The following MTNR1B variants were observed in gnomAD, a reference collection of about 807,000 sequenced individuals.
The protein encoded by MTNR1B is melatonin receptor type 1B.
MTNR1B carries 7 observed loss-of-function variants against 7.0 expected under a neutral mutation model. The ratio of observed to expected loss-of-function variants is 1.00; its 90% CI spans 0.57 to 1.88. MTNR1B has a LOEUF of 1.88. Ranked by LOEUF, MTNR1B falls within the 40% of genes most tolerant of loss-of-function variation. MTNR1B has a pLI of 0.00. For missense variants in MTNR1B, 478 were observed against 486.5 expected, an observed-to-expected ratio of 0.98 and a Z score of 0.16; for synonymous variants, 226 against 208.2, an observed-to-expected ratio of 1.09 and a Z score of -0.74.
chr11:92,980,301 T>G (rs1359526238), intron 1 of MTNR1B, among the ~76,000 whole-genome samples: 1 of 152,236 alleles, frequency 6.6e-6, no homozygotes, highest in Admixed American at 6.5e-5. Flanking sequence ...TCAGGGACCC[T>G]GCTGGAGGGA....
chr11:92,982,126 C>CCTGAA lies in MTNR1B; in HGVS notation c.903_904insCTGAA (p.Cys302LeufsTer4). 1 of 1,614,250 alleles carries CCTGAA rather than the reference C, an allele frequency of 6.2e-7. No homozygotes were observed. The highest frequency in any genetic ancestry group is 8.5e-7 in the Non-Finnish European group (1 of 1,180,054). On this transcript the variant is annotated frameshift_variant, in exon 2 of 2. Transcript: ENST00000257068. LOFTEE classifies it low-confidence loss of function (END_TRUNC). ...GCTACTTACTGGCTTATTTCAACAG[C>CCTGAA]TGCCTGAATGCCATTGTCTATGGGC...
Position 92,981,346 on chromosome 11 carries a change from T to G in MTNR1B, c.224-101T>G. 4 of 1,489,996 alleles carry G rather than the reference T, an allele frequency of 2.7e-6. No homozygotes were observed. In the South Asian group the frequency reaches 5.3e-5, roughly 20 times the overall value. The allele number at this position is 1,489,996 out of a possible 1,614,324, so 92.3% of individuals were successfully genotyped here. ...CTGTGCCTCTAAGAGCCACTTGGTT[T>G]CCACTCACATTGCCAAAAGTAACTT... On this transcript the variant is annotated intron_variant, in intron 1 of 1. Coordinates refer to ENST00000257068, the MANE Select transcript of MTNR1B (RefSeq NM_005959.5).
downstream of MTNR1B, among the ~76,000 whole-genome samples, chr11:92,983,801 G>A (rs1436104486): frequency 6.6e-6 from 1 of 152,180 alleles, no homozygotes; most frequent in Admixed American, 6.5e-5. Context: ...TTAGTATCAA[G>A]TAATATCCAT....
chr11:92,981,153 C>T (rs894868484), intron 1 of MTNR1B, among the ~76,000 whole-genome samples: 1 of 152,178 alleles, frequency 6.6e-6, no homozygotes, highest in African/African-American at 2.4e-5. Context: ...GTGTCAGCAC[C>T]TGTTAAATCC....
chr11:92,981,013 G>A (rs1192246159), intron 1 of MTNR1B, among the ~76,000 whole-genome samples: 1 of 152,222 alleles, frequency 6.6e-6, no homozygotes, highest in Non-Finnish European at 1.5e-5. Flanking sequence ...GAGGGAATGT[G>A]AGGGAGCGAT....
chr11:92,976,501 T>C (rs1858010853), intron 1 of MTNR1B, among the ~76,000 whole-genome samples: 1 of 138,674 alleles, frequency 7.2e-6, no homozygotes, highest in South Asian at 2.6e-4. Flanking sequence ...CAAGTCTCTT[T>C]CCTTTAAGAG....
At position 92,982,254 on chromosome 11, in the gene MTNR1B, G is replaced by T; in HGVS notation, c.1031G>T (p.Gly344Val). 6.2e-7 allele frequency: 1 copy of T among 1,614,164 alleles called. No individual in the cohort carries two copies. Among genetic ancestry groups the T allele is most frequent in the Non-Finnish European group, 8.5e-7 (1 of 1,180,028 alleles). Reference protein sequence around the residue: ...QDASKGSHAEGLQSPAPPIIG... With the variant: ...QDASKGSHAEVLQSPAPPIIG... ...GCTTCCAAGGGCAGCCACGCGGAGG[G>T]GCTGCAGAGCCCAGCTCCACCCATC... The change falls in exon 2 of 2, where the codon GGG (glycine) becomes GTG (valine). Residue 344 changes from glycine to valine, a missense_variant. Physicochemically the swap from Gly to Val is moderately radical, Grantham distance 109. Coordinates refer to ENST00000257068, the MANE Select transcript of MTNR1B (RefSeq NM_005959.5).
In MTNR1B at chr11:92,981,698, C is replaced by T. The variant is rs756320084; in HGVS notation, c.475C>T (p.Leu159=). 6.2e-7 allele frequency: 1 copy of T among 1,614,268 alleles called. No individual in the cohort carries two copies. Among genetic ancestry groups the T allele is most frequent in the South Asian group, 1.1e-5 (1 of 91,086 alleles). The change falls in exon 2 of 2, where the codon CTG becomes TTG. Residue 159 remains leucine (L), a synonymous_variant. Coordinates refer to ENST00000257068, the MANE Select transcript of MTNR1B (RefSeq NM_005959.5). ...AATCTACCGGCGCTGGCACACCCCT[C>T]TGCACATCTGCCTCATCTGGCTCCT... ...HRIYRRWHTP[L]HICLIWLLTV... is the part of the protein sequence containing the mutation.
chr11:92,975,306 G>C (rs563736653), intron 1 of MTNR1B, among the ~76,000 whole-genome samples: 34 of 152,304 alleles, frequency 2.2e-4, no homozygotes, highest in African/African-American at 7.0e-4. Context: ...TTTTTGTGCT[G>C]CAAATGGGTT....
chr11:92,975,817 A>G lies in MTNR1B; in HGVS notation c.224-5630A>G, dbSNP rs146471382. On this transcript the variant is annotated intron_variant, in intron 1 of 1. Coordinates refer to ENST00000257068, the MANE Select transcript of MTNR1B (RefSeq NM_005959.5). Reference sequence around the variant, plus strand: ...GAATGAAGTGGAGCCCACTCCATCAAGGCTTCTATCCTACCACCGACCACT... The same window carrying G: ...GAATGAAGTGGAGCCCACTCCATCAGGGCTTCTATCCTACCACCGACCACT... Among the ~76,000 whole-genome samples, 1,120 of 152,238 alleles carry G rather than the reference A, an allele frequency of 7.4e-3. 20 individuals are homozygous for G. Among genetic ancestry groups the G allele is most frequent in the African/African-American group, 0.024 (1,009 of 41,534 alleles).
chr11:92,982,560 C>T lies in MTNR1B; in HGVS notation c.*248C>T. The T allele has an allele frequency of 1.9e-6, 1 of 532,242 alleles. No individual in the cohort carries two copies. Among genetic ancestry groups the T allele is most frequent in the Non-Finnish European group, 3.3e-6 (1 of 300,892 alleles). 33.0% of individuals were successfully genotyped at this position (532,242 alleles called of 1,614,324 possible). ...GGTGGTGTCTTGGGGATTTGGTGCA[C>T]ACAAGACCAAGGAAAGGACAGAATG... On this transcript the variant is annotated 3_prime_UTR_variant, in exon 2 of 2. Coordinates refer to ENST00000257068, the MANE Select transcript of MTNR1B (RefSeq NM_005959.5).
In MTNR1B at chr11:92,981,844, C is replaced by A. The variant is rs1858111598; in HGVS notation, c.621C>A (p.Ile207=). 1.2e-6 allele frequency: 2 copies of A among 1,614,094 alleles called. No homozygotes were observed. Among genetic ancestry groups the A allele is most frequent in the East Asian group, 2.2e-5 (1 of 44,896 alleles). ...STQYTAAVVV[I]HFLLPIAVVS... ...AGTACACGGCGGCAGTGGTGGTCAT[C>A]CACTTCCTCCTCCCTATCGCTGTCG... The change falls in exon 2 of 2, where the codon ATC becomes ATA. Residue 207 remains isoleucine (I), a synonymous_variant. Coordinates refer to ENST00000257068, the MANE Select transcript of MTNR1B (RefSeq NM_005959.5).
chr11:92,974,310 A>G (rs1454556228), intron 1 of MTNR1B, among the ~76,000 whole-genome samples: 3 of 152,178 alleles, frequency 2.0e-5, no homozygotes. Flanking sequence ...TCCCCTGCAC[A>G]AGCTCTCTCT....
chr11:92,971,911 C>A (rs1430651582), intron 1 of MTNR1B, among the ~76,000 whole-genome samples: 1 of 152,142 alleles, frequency 6.6e-6, no homozygotes, highest in Non-Finnish European at 1.5e-5. Context: ...GTGTCCGCTA[C>A]AGCCCAGCAC....
downstream of MTNR1B, among the ~76,000 whole-genome samples, chr11:92,982,947 C>A (rs12285500): frequency 0.13 from 8,595 of 66,848 alleles, 1,272 homozygotes; most frequent in African/African-American, 0.3. Context: ...CCCCCCCCCC[C>A]CACACACACA....
At position 92,981,887 on chromosome 11, in the gene MTNR1B, C is replaced by G; in HGVS notation, c.664C>G (p.Arg222Gly). 6.2e-7 allele frequency: 1 copy of G among 1,614,182 alleles called. No homozygotes were observed. The highest frequency in any genetic ancestry group is 1.3e-5 in the African/African-American group (1 of 75,060). ...CGCTGTCGTGTCCTTCTGCTACCTG[C>G]GCATCTGGGTGCTGGTGCTTCAGGC... ...PIAVVSFCYL[R>G]IWVLVLQARR... The change falls in exon 2 of 2, where the codon CGC (arginine) becomes GGC (glycine). Residue 222 changes from arginine (R) to glycine (G), a missense_variant. By Grantham distance (125) the Arg-to-Gly change is moderately radical. Coordinates refer to ENST00000257068, the MANE Select transcript of MTNR1B (RefSeq NM_005959.5).
chr11:92,970,709 G>A (rs1378405482), intron 1 of MTNR1B, among the ~76,000 whole-genome samples: 2 of 152,160 alleles, frequency 1.3e-5, no homozygotes, highest in African/African-American at 4.8e-5. Context: ...GTGGGGGGCA[G>A]TATCTGAACT....
In MTNR1B at chr11:92,969,944, C is replaced by T; in HGVS notation, c.219C>T (p.Asn73=). Residue 73 remains asparagine (N), a synonymous_variant, in exon 1 of 2, where the codon AAC becomes AAT. Coordinates refer to ENST00000257068, the MANE Select transcript of MTNR1B (RefSeq NM_005959.5). ...TGCTCAGGAACCGCAAGCTCCGGAA[C>T]GCAGGTGAGCACCATTCCTGATGCT... ...LSVLRNRKLR[N]AGNLFLVSLA... is the part of the protein sequence containing the mutation. The T allele has an allele frequency of 6.2e-7, 1 of 1,609,786 alleles. No homozygotes were observed. Among genetic ancestry groups the T allele is most frequent in the Non-Finnish European group, 8.5e-7 (1 of 1,178,506 alleles).
At chr11:92,983,292 C>A (rs1044625568), downstream of MTNR1B, among the ~76,000 whole-genome samples, 1 of 152,050 alleles carries the variant, frequency 6.6e-6, no homozygotes, top group Non-Finnish European at 1.5e-5. Context: ...GGTGCCTCAC[C>A]CCTGCCTCAG....
Sources: allele counts gnomAD v4.1 joint callset (sites outside exome capture counted in the v4.1 genomes callset), GRCh38; gene constraint gnomAD v4.1.1; transcripts MANE v1.5; gene names NCBI Gene and HGNC (gene_info 2026-07-23, HGNC 2026-07-21).